CNTN1: variants seen among roughly 807,000 people sequenced by gnomAD.
CNTN1 encodes the protein contactin 1.
In CNTN1, 38 loss-of-function variants were observed where a neutral mutation model predicts 126.4. That is an observed-to-expected ratio of 0.30 (90% CI 0.23 to 0.39). The LOEUF (loss-of-function observed/expected upper bound fraction) is 0.39. Among genes scored for constraint, CNTN1 ranks in the 10% least tolerant of loss-of-function variants. CNTN1 has a pLI of 1.00. For synonymous variants in CNTN1, 413 were observed against 422.6 expected (o/e 0.98, Z 0.28); for missense variants, 1,009 against 1,248.4 (o/e 0.81, Z 2.89).
chr12:40,941,598 A>G (rs899273256), intron 12 of CNTN1, among the ~76,000 whole-genome samples: 1 of 152,120 alleles, frequency 6.6e-6, no homozygotes, highest in Non-Finnish European at 1.5e-5. Context: ...TTTCTGCAGC[A>G]GAATTTCTTT....
Position 40,943,850 on chromosome 12 carries a change from TTGA to T in CNTN1, c.1507+131_1507+133del. On this transcript the variant is annotated intron_variant, in intron 13 of 23. Coordinates refer to ENST00000551295, the MANE Select transcript of CNTN1 (RefSeq NM_001843.4). Reference sequence around the variant, plus strand: ...AAAGAATTTCAGGCAAGTTTCTTGCTTGATGATATTGTTCTTGGAATTTGGAAG... The same window carrying T: ...AAAGAATTTCAGGCAAGTTTCTTGCTTGATATTGTTCTTGGAATTTGGAAG... 2.9e-6 allele frequency: 4 copies of T among 1,385,108 alleles called. No homozygotes were observed. In the South Asian group the frequency reaches 5.1e-5, roughly 18 times the overall value. The allele number at this position is 1,385,108 out of a possible 1,614,324, so 85.8% of individuals were successfully genotyped here. A position where few individuals can be genotyped will look rare whatever the true frequency, so the allele number is the denominator to read the frequency against.
chr12:40,893,525 C>T (rs552495626), intron 1 of CNTN1, among the ~76,000 whole-genome samples: 3 of 152,050 alleles, frequency 2.0e-5, no homozygotes, highest in African/African-American at 7.2e-5. Context: ...TTGGCAGGAA[C>T]TTTAGATCAC....
intron 1 of CNTN1, among the ~76,000 whole-genome samples, chr12:40,760,835 G>GCACACA (rs1165228762): frequency 0.23 from 34,695 of 150,386 alleles, 4,247 homozygotes; most frequent in East Asian, 0.36. Flanking sequence ...TCAAAATAAT[G>GCACACA]CACACACACA....
At chr12:40,917,519 A>G (rs1356176916) in intron 3 of CNTN1, among the ~76,000 whole-genome samples, 1 of 152,288 alleles carries the variant, frequency 6.6e-6, no homozygotes, top group African/African-American at 2.4e-5. Context: ...AGGAAGCTCG[A>G]ACAGCACTCT....
At position 40,993,110 on chromosome 12, in the gene CNTN1, T is replaced by C; in HGVS notation, c.1964-10T>C. ...ACCTGTATTCTCTATTTACTATTTA[T>C]TTTATTCAGATCCCCCAATTATTGA... is the stretch of plus-strand genomic sequence containing the variant. On this transcript the variant is annotated splice_polypyrimidine_tract_variant and intron_variant, in intron 16 of 23. Transcript: ENST00000551295. 6.2e-7 allele frequency: 1 copy of C among 1,610,706 alleles called. No homozygotes were observed. Among genetic ancestry groups the C allele is most frequent in the Non-Finnish European group, 8.5e-7 (1 of 1,176,944 alleles).
At chr12:40,841,954 T>C (rs1192029374) in intron 1 of CNTN1, among the ~76,000 whole-genome samples, 1 of 151,936 alleles carries the variant, frequency 6.6e-6, no homozygotes, top group Admixed American at 6.6e-5. Flanking sequence ...ATTATAAACA[T>C]GTAATAAAAG....
At chr12:40,844,639 A>T (rs1051017405) in intron 1 of CNTN1, among the ~76,000 whole-genome samples, 1 of 152,228 alleles carries the variant, frequency 6.6e-6, no homozygotes, top group African/African-American at 2.4e-5. Context: ...AAGAAGTCTT[A>T]TAAAGATTGT....
intron 23 of CNTN1, among the ~76,000 whole-genome samples, chr12:41,066,352 G>T (rs1250392497): frequency 1.3e-5 from 2 of 152,146 alleles, no homozygotes; most frequent in Non-Finnish European, 2.9e-5. Context: ...TCACACTGAA[G>T]GTCACAGTGG....
intron 3 of CNTN1, among the ~76,000 whole-genome samples, chr12:40,911,848 G>A (rs1412105683): frequency 3.9e-5 from 6 of 152,188 alleles, no homozygotes; most frequent in Non-Finnish European, 8.8e-5. Flanking sequence ...GCTAGCAAGA[G>A]TAATGGCATC....
chr12:41,050,694 C>G (rs1216295969), intron 23 of CNTN1, among the ~76,000 whole-genome samples: 3 of 152,102 alleles, frequency 2.0e-5, no homozygotes, highest in Non-Finnish European at 4.4e-5. Flanking sequence ...ATGGTGTCTA[C>G]CTTTGATATG....
intron 16 of CNTN1, among the ~76,000 whole-genome samples, chr12:40,983,468 C>T (rs911324933): frequency 2.7e-5 from 4 of 145,894 alleles, no homozygotes; most frequent in Admixed American, 2.1e-4. Context: ...TGATATTCAC[C>T]GTGTGTGTGT....
chr12:40,794,027 A>G (rs1230136765), intron 1 of CNTN1, among the ~76,000 whole-genome samples: 4 of 152,054 alleles, frequency 2.6e-5, no homozygotes, highest in African/African-American at 9.7e-5. Context: ...TAAGTGTTCC[A>G]CAATTCAAGG....
At chr12:40,725,549 T>C (rs998435177) in intron 1 of CNTN1, among the ~76,000 whole-genome samples, 3 of 152,088 alleles carry the variant, frequency 2.0e-5, no homozygotes, top group African/African-American at 7.2e-5. Context: ...AATGTCTTTC[T>C]CAAGGACCTG....
intron 3 of CNTN1, among the ~76,000 whole-genome samples, chr12:40,914,819 C>T (rs548960713): frequency 6.6e-6 from 1 of 152,128 alleles, no homozygotes; most frequent in South Asian, 2.1e-4. Flanking sequence ...GAAAAAGTAG[C>T]ATAAGGCACC....
At chr12:40,893,187 T>G (rs1944300601) in intron 1 of CNTN1, among the ~76,000 whole-genome samples, 1 of 152,032 alleles carries the variant, frequency 6.6e-6, no homozygotes, top group Non-Finnish European at 1.5e-5. Flanking sequence ...GATAATTATA[T>G]CACTCTGCAT....
chr12:41,037,128 A>G (rs1949284248), intron 23 of CNTN1, among the ~76,000 whole-genome samples: 1 of 152,164 alleles, frequency 6.6e-6, no homozygotes. Flanking sequence ...ATATTTGTGT[A>G]AATATTTTTC....
intron 1 of CNTN1, among the ~76,000 whole-genome samples, chr12:40,734,532 G>A (rs537997742): frequency 1.3e-5 from 2 of 152,226 alleles, no homozygotes; most frequent in South Asian, 2.1e-4. Flanking sequence ...CTGGCCTTTG[G>A]CTAGTTGTGT....
intron 3 of CNTN1, among the ~76,000 whole-genome samples, chr12:40,916,095 T>G (rs1028766456): frequency 6.6e-6 from 1 of 152,146 alleles, no homozygotes; most frequent in African/African-American, 2.4e-5. Context: ...CTAAGCAATA[T>G]TTATTTTTAG....
At chr12:40,730,846 G>A (rs1401712221) in intron 1 of CNTN1, among the ~76,000 whole-genome samples, 1 of 151,962 alleles carries the variant, frequency 6.6e-6, no homozygotes, top group African/African-American at 2.4e-5. Context: ...CAATTTGGGG[G>A]AGTATGTGTG....
Sources: allele counts gnomAD v4.1 joint callset (sites outside exome capture counted in the v4.1 genomes callset), GRCh38; gene constraint gnomAD v4.1.1; transcripts MANE v1.5; gene names NCBI Gene and HGNC (gene_info 2026-07-23, HGNC 2026-07-21).